The following ADH1A variants were observed in gnomAD, a reference collection of about 807,000 sequenced individuals.
ADH1A encodes the protein alcohol dehydrogenase 1A.
Under a neutral mutation model 35.2 loss-of-function variants are expected in ADH1A, and 29 were observed. The ratio of observed to expected loss-of-function variants is 0.82; its 90% CI spans 0.61 to 1.12. The LOEUF is 1.12. Ranked by LOEUF, ADH1A falls within the 50% of genes most tolerant of loss-of-function variation. The pLI, the probability that ADH1A is intolerant of heterozygous loss-of-function variation, is 0.00. For missense variants in ADH1A, 469 were observed against 464.7 expected (o/e 1.01, Z -0.09); for synonymous variants, 147 against 164.8 (o/e 0.89, Z 0.83).
chr4:99,285,998 G>A (rs558571348), intron 3 of ADH1A, among the ~76,000 whole-genome samples: 3 of 137,760 alleles, frequency 2.2e-5, no homozygotes, highest in Non-Finnish European at 4.6e-5. Flanking sequence ...CTCCAGCCTG[G>A]GCGACAGAGC....
Position 99,279,504 on chromosome 4 carries a change from GA to G in ADH1A, c.1024del (p.Ser342HisfsTer5), listed in dbSNP as rs1398344057. On this transcript the variant is annotated frameshift_variant, in exon 8 of 9. Coordinates refer to ENST00000209668, the MANE Select transcript of ADH1A (RefSeq NM_000667.4). LOFTEE classifies it high-confidence loss of function. ...LVADFMAKKF[S>X]LDALITHVLP... ...AACATGGGTTATTAATGCATCCAATGAAAACTTCTTAGCCATAAAATCAGCC... is the reference window on the plus strand; with the variant it reads ...AACATGGGTTATTAATGCATCCAATGAAACTTCTTAGCCATAAAATCAGCC... 1.4e-5 allele frequency: 22 copies of G among 1,611,966 alleles called. No homozygotes were observed. The highest frequency in any genetic ancestry group is 1.7e-5 in the Non-Finnish European group (20 of 1,179,200).
At position 99,284,783 on chromosome 4, in the gene ADH1A, C is replaced by T. The variant is rs1326883531; in HGVS notation, c.280G>A (p.Ala94Thr). 8.1e-6 allele frequency: 13 copies of T among 1,613,962 alleles called. No homozygotes were observed. Among genetic ancestry groups the T allele is most frequent in the Middle Eastern group, 1.6e-4 (1 of 6,062 alleles). The change falls in exon 4 of 9, where the codon GCT (alanine) becomes ACT (threonine). Residue 94 changes from alanine to threonine, a missense_variant. Transcript: ENST00000209668. ...CTGCATTTTCCACACTGAGGAATAG[C>T]GAGTGGGATGACTTTATCACCTGGA... Reference protein sequence around the residue: ...VKPGDKVIPLAIPQCGKCRIC... With the variant: ...VKPGDKVIPLTIPQCGKCRIC...
intron 8 of ADH1A, among the ~76,000 whole-genome samples, chr4:99,277,034 A>C (rs1295550193): frequency 1.3e-5 from 2 of 152,018 alleles, no homozygotes; most frequent in South Asian, 2.1e-4. Flanking sequence ...TTAAACTTCA[A>C]CCTAAACATC....
Position 99,282,571 on chromosome 4 carries a change from C to G in ADH1A, c.603G>C (p.Leu201=), listed in dbSNP as rs1733035174. 3 of 1,614,194 alleles carry G rather than the reference C, an allele frequency of 1.9e-6. No homozygotes were observed. Among genetic ancestry groups the G allele is most frequent in the Non-Finnish European group, 2.5e-6 (3 of 1,180,026 alleles). The change falls in exon 6 of 9, where the codon CTG becomes CTC. Residue 201 remains leucine (L), a synonymous_variant. Transcript: ENST00000209668. The part of the protein sequence containing the change: ...TPGSTCAVFG[L]GGVGLSAIMG... ...TAATAGCAGATAGGCCGACCCCTCC[C>G]AGGCCAAACACAGCACAGGTAGAGC...
intron 3 of ADH1A, among the ~76,000 whole-genome samples, chr4:99,285,638 T>C (rs1349544651): frequency 6.6e-6 from 1 of 152,202 alleles, no homozygotes; most frequent in Non-Finnish European, 1.5e-5. Flanking sequence ...AATTTATTAC[T>C]ACTAAAGAAA....
At chr4:99,290,857 A>G (rs1579497000) in intron 1 of ADH1A, 40 bp downstream of exon 1, 1 of 1,583,548 alleles carries the variant, frequency 6.3e-7, no homozygotes, top group African/African-American at 1.3e-5. Flanking sequence ...TGTTATATTG[A>G]TGAGAATATA....
chr4:99,284,806 G>A lies in ADH1A; in HGVS notation c.260-3C>T. 6.2e-7 allele frequency: 1 copy of A among 1,612,848 alleles called. No homozygotes were observed. The highest frequency in any genetic ancestry group is 8.5e-7 in the Non-Finnish European group (1 of 1,178,876). On this transcript the variant is annotated splice_polypyrimidine_tract_variant and splice_region_variant and intron_variant, in intron 3 of 8. Coordinates refer to ENST00000209668, the MANE Select transcript of ADH1A (RefSeq NM_000667.4). ...AGCGAGTGGGATGACTTTATCACCT[G>A]GAGAGGGATAAAACAAATTCTTTTA...
At chr4:99,280,042 A>C (rs1732961271) in intron 7 of ADH1A, 102 bp downstream of exon 7, 1 of 1,508,400 alleles carries the variant, frequency 6.6e-7, no homozygotes, top group African/African-American at 1.4e-5. Context: ...AAGGAATTTT[A>C]ATTTGTTTTT....
At position 99,284,559 on chromosome 4, in the gene ADH1A, T is replaced by G. The variant is rs564808861; in HGVS notation, c.407A>C (p.Lys136Thr). The stretch of plus-strand genomic sequence containing the variant: ...GATGCCAAGGAAGTGGTGGATGGGC[T>G]TCCTCCTGCAGGTGAACCTGCTGGT... ...DGTSRFTCRR[K>T]PIHHFLGIST... The change falls in exon 5 of 9, where the codon AAG (lysine) becomes ACG (threonine). Residue 136 changes from lysine (K) to threonine (T), a missense_variant. Coordinates refer to ENST00000209668, the MANE Select transcript of ADH1A (RefSeq NM_000667.4). 8 of 1,614,220 alleles carry G rather than the reference T, an allele frequency of 5.0e-6. No individual in the cohort carries two copies. In the East Asian group the frequency reaches 1.8e-4, roughly 36 times the overall value.
rs1174149307 is a variant in ADH1A at position 99,280,207 on chromosome 4, T to G, written c.901A>C (p.Asn301His). The stretch of plus-strand genomic sequence containing the variant: ...AGCAGCATAGGGTTCATTGAGAGGT[T>G]TTGGGAATCAGGAGGTACCCCTACG... ...VIVGVPPDSQ[N>H]LSMNPMLLLT... The change falls in exon 7 of 9, where the codon AAC (asparagine) becomes CAC (histidine). Residue 301 changes from asparagine to histidine, a missense_variant. Coordinates refer to ENST00000209668, the MANE Select transcript of ADH1A (RefSeq NM_000667.4). 6.2e-7 allele frequency: 1 copy of G among 1,613,854 alleles called. No individual in the cohort carries two copies. Among genetic ancestry groups the G allele is most frequent in the South Asian group, 1.1e-5 (1 of 91,068 alleles).
In ADH1A at chr4:99,281,443, C is replaced by T. The variant is rs564516851; in HGVS notation, c.828+903G>A. Among the ~76,000 whole-genome samples the T allele has an allele frequency of 2.0e-4, 30 of 152,208 alleles. 1 individual carries two copies. Among genetic ancestry groups the T allele is most frequent in the Admixed American group, 6.5e-4 (10 of 15,288 alleles). ...CAAGATTGGAAATAGTATTTCATAT[C>T]AATAACGCCAACTGAGGCCGGGCGT... On this transcript the variant is annotated intron_variant, in intron 6 of 8. Transcript: ENST00000209668.
chr4:99,283,271 G>C (rs572673425), intron 5 of ADH1A, among the ~76,000 whole-genome samples: 3 of 152,246 alleles, frequency 2.0e-5, no homozygotes, highest in African/African-American at 7.2e-5. Context: ...GGCTCACTTA[G>C]ATCACCTGTT....
chr4:99,289,695 G>A (rs1733243961), intron 1 of ADH1A, among the ~76,000 whole-genome samples: 1 of 152,148 alleles, frequency 6.6e-6, no homozygotes, highest in Non-Finnish European at 1.5e-5. Context: ...AACAAACTAA[G>A]TTATTGATGT....
chr4:99,282,148 T>C, intron 6 of ADH1A, 198 bp downstream of exon 6: 1 of 1,005,462 alleles, frequency 9.9e-7, no homozygotes, highest in East Asian at 2.6e-5. Flanking sequence ...GAAATATGAC[T>C]TGAGACACGT....
chr4:99,284,579 G>C lies in ADH1A; in HGVS notation c.387C>G (p.Ser129Arg), dbSNP rs374126806. ...NPQGTLQDGT[S>R]RFTCRRKPIH... is the part of the protein sequence containing the mutation. ...TGGGCTTCCTCCTGCAGGTGAACCT[G>C]CTGGTGCCATCCTGCAGGGTCCCCT... is the stretch of plus-strand genomic sequence containing the variant. The change falls in exon 5 of 9, where the codon AGC (serine) becomes AGG (arginine). Residue 129 changes from serine (S) to arginine (R), a missense_variant. Physicochemically the swap from Ser to Arg is moderately radical, Grantham distance 110. Transcript: ENST00000209668. 5 of 1,614,102 alleles carry C rather than the reference G, an allele frequency of 3.1e-6. No individual in the cohort carries two copies. The highest frequency in any genetic ancestry group is 4.2e-6 in the Non-Finnish European group (5 of 1,180,032).
intron 2 of ADH1A, 187 bp from the exon 3 acceptor site, chr4:99,287,175 A>G (rs1312738981): frequency 1.0e-5 from 7 of 667,144 alleles, no homozygotes; most frequent in South Asian, 2.2e-5. Flanking sequence ...TCTACCTTCC[A>G]TTCTTGAAGT....
intron 1 of ADH1A, 54 bp downstream of exon 1, chr4:99,290,843 T>C: frequency 5.2e-6 from 8 of 1,544,880 alleles, no homozygotes; most frequent in Non-Finnish European, 7.2e-6. Flanking sequence ...TGTATTACTT[T>C]CTTTGTTATA....
intron 3 of ADH1A, among the ~76,000 whole-genome samples, chr4:99,286,412 C>A (rs1733154537): frequency 6.6e-6 from 1 of 152,156 alleles, no homozygotes; most frequent in Non-Finnish European, 1.5e-5. Context: ...TCAGCCGTAG[C>A]CATGTAGCGT....
chr4:99,285,242 C>T (rs1042382118), intron 3 of ADH1A, among the ~76,000 whole-genome samples: 2 of 152,106 alleles, frequency 1.3e-5, no homozygotes, highest in Admixed American at 1.3e-4. Flanking sequence ...GTTTGATTTA[C>T]AATAAAAATG....
Sources: allele counts gnomAD v4.1 joint callset (sites outside exome capture counted in the v4.1 genomes callset), GRCh38; gene constraint gnomAD v4.1.1; transcripts MANE v1.5; gene names NCBI Gene and HGNC (gene_info 2026-07-23, HGNC 2026-07-21).